CA10: variants seen among roughly 807,000 people sequenced by gnomAD.
CA10 encodes the protein carbonic anhydrase-related protein 10.
CA10 carries 14 observed loss-of-function variants against 44.2 expected under a neutral mutation model. The ratio of observed to expected loss-of-function variants is 0.32; its 90% CI spans 0.21 to 0.50. CA10 has a LOEUF of 0.50. Ranked by LOEUF, CA10 falls within the 20% of genes least tolerant of loss-of-function variation. The pLI, the probability that CA10 is intolerant of heterozygous loss-of-function variation, is 0.99. For missense variants in CA10, 350 were observed against 409.7 expected, an observed-to-expected ratio of 0.85 and a Z score of 1.26; for synonymous variants, 159 against 141.6, an observed-to-expected ratio of 1.12 and a Z score of -0.87.
At chr17:51,861,544 T>G (rs535676752) in intron 3 of CA10, among the ~76,000 whole-genome samples, 152 of 92,800 alleles carry the variant, frequency 1.6e-3, no homozygotes, top group African/African-American at 0.011. Flanking sequence ...CAGATGTGTG[T>G]TTTTTTTTTT....
Position 51,718,187 on chromosome 17 carries a change from A to G in CA10, c.465+29446T>C, listed in dbSNP as rs58760081. On this transcript the variant is annotated intron_variant, in intron 4 of 8. Coordinates refer to ENST00000451037, the MANE Select transcript of CA10 (RefSeq NM_020178.5). ...ACTAAGGAACTTAGTCATGTAACCA[A>G]ATACCACCTGTACCCCAATAATTTA... 6.0e-3 allele frequency among the ~76,000 whole-genome samples: 906 copies of G among 151,884 alleles called. 10 individuals carry two copies. The highest frequency in any genetic ancestry group is 0.021 in the African/African-American group (852 of 41,394).
intron 2 of CA10, among the ~76,000 whole-genome samples, chr17:52,064,164 G>A (rs908193555): frequency 2.6e-5 from 4 of 152,294 alleles, no homozygotes; most frequent in African/African-American, 7.2e-5. Flanking sequence ...CAGGCCATAG[G>A]AGACAAGGGT....
chr17:51,823,861 G>A (rs1907911384), intron 3 of CA10, among the ~76,000 whole-genome samples: 1 of 152,176 alleles, frequency 6.6e-6, no homozygotes, highest in South Asian at 2.1e-4. Flanking sequence ...GTTAGGCATT[G>A]TGACACATTA....
chr17:51,897,185 G>T (rs542527024), intron 3 of CA10, among the ~76,000 whole-genome samples: 1 of 152,180 alleles, frequency 6.6e-6, no homozygotes, highest in East Asian at 1.9e-4. Flanking sequence ...TTATCTTCTA[G>T]GGTTTTTGTG....
intron 4 of CA10, among the ~76,000 whole-genome samples, chr17:51,734,044 G>A (rs62061777): frequency 0.65 from 98,385 of 151,196 alleles, 32,207 homozygotes; most frequent in East Asian, 0.73. Context: ...TCAATATTGC[G>A]ACAAGAAAAG....
intron 4 of CA10, among the ~76,000 whole-genome samples, chr17:51,682,958 TA>T (rs1195413381): frequency 1.3e-5 from 2 of 152,236 alleles, no homozygotes; most frequent in African/African-American, 2.4e-5. Flanking sequence ...ATGCTTATTA[TA>T]AATCCAGAGG....
Position 51,747,717 on chromosome 17 carries a change from C to G in CA10, c.381G>C (p.Arg127=). 2 of 1,614,178 alleles carry G rather than the reference C, an allele frequency of 1.2e-6. No homozygotes were observed. The highest frequency in any genetic ancestry group is 1.7e-6 in the Non-Finnish European group (2 of 1,180,006). The change falls in exon 4 of 9, where the codon CGG becomes CGC. Residue 127 remains arginine (R), a synonymous_variant. Transcript: ENST00000451037. ...CAAAGTGTAGTCGGATCTCCTCCAG[C>G]CGGTGGCTGTATGTCATGGGCCCTC... is the stretch of plus-strand genomic sequence containing the variant. The part of the protein sequence containing the change: ...ISGGPMTYSH[R]LEEIRLHFGS...
At chr17:52,031,978 A>G (rs934182734) in intron 2 of CA10, among the ~76,000 whole-genome samples, 4 of 152,210 alleles carry the variant, frequency 2.6e-5, no homozygotes, top group Admixed American at 2.0e-4. Flanking sequence ...AAAAAATACA[A>G]GAGCTGCCAT....
Position 52,065,803 on chromosome 17 carries a change from T to C in CA10, c.136+6516A>G, listed in dbSNP as rs575041516. Among the ~76,000 whole-genome samples, 8 of 152,324 alleles carry C rather than the reference T, an allele frequency of 5.3e-5. No homozygotes were observed. The East Asian group carries it at 1.5e-3, about 29-fold the overall frequency. On this transcript the variant is annotated intron_variant, in intron 2 of 8. Transcript: ENST00000451037. ...GCTTCCAGGCTTTTGCCCATTGATA[T>C]GGTTTGGCTGTGCCCCCAGCCAAAT... is the stretch of plus-strand genomic sequence containing the variant.
chr17:51,654,805 C>A (rs112622295), intron 4 of CA10, among the ~76,000 whole-genome samples: 1 of 152,264 alleles, frequency 6.6e-6, no homozygotes, highest in Non-Finnish European at 1.5e-5. Flanking sequence ...ATCCACCCGC[C>A]TTGGCCTCCC....
intron 2 of CA10, among the ~76,000 whole-genome samples, chr17:51,931,746 T>C (rs1245196206): frequency 6.6e-6 from 1 of 152,136 alleles, no homozygotes; most frequent in Non-Finnish European, 1.5e-5. Flanking sequence ...TGGTGTTCAT[T>C]TGATAGGCAG....
At chr17:52,036,522 T>C (rs1408013995) in intron 2 of CA10, among the ~76,000 whole-genome samples, 3 of 151,976 alleles carry the variant, frequency 2.0e-5, no homozygotes, top group African/African-American at 4.8e-5. Context: ...TCTTGAAGAA[T>C]AAATAGTCAT....
intron 3 of CA10, among the ~76,000 whole-genome samples, chr17:51,891,590 C>T (rs138793719): frequency 1.6e-4 from 24 of 152,314 alleles, no homozygotes; most frequent in African/African-American, 5.1e-4. Context: ...AGTGTTATCA[C>T]GTAAGAATGC....
At chr17:51,687,825 T>A (rs1439710971) in intron 4 of CA10, among the ~76,000 whole-genome samples, 1 of 152,192 alleles carries the variant, frequency 6.6e-6, no homozygotes, top group Non-Finnish European at 1.5e-5. Context: ...GATAACCCAA[T>A]AAAGTTTCTA....
At chr17:51,861,150 T>C (rs1245631939) in intron 3 of CA10, among the ~76,000 whole-genome samples, 1 of 152,104 alleles carries the variant, frequency 6.6e-6, no homozygotes, top group Non-Finnish European at 1.5e-5. Flanking sequence ...TAGGGGGTGC[T>C]AAAGGAGACT....
At chr17:52,005,994 T>C (rs1985584390) in intron 2 of CA10, among the ~76,000 whole-genome samples, 2 of 151,808 alleles carry the variant, frequency 1.3e-5, no homozygotes, top group South Asian at 2.1e-4. Context: ...ACAGAGAGCG[T>C]CCTTTGTTCT....
intron 4 of CA10, among the ~76,000 whole-genome samples, chr17:51,722,052 G>A (rs911572449): frequency 6.6e-6 from 1 of 152,136 alleles, no homozygotes; most frequent in Non-Finnish European, 1.5e-5. Context: ...GGAGTCTGAT[G>A]TAACTAAACA....
intron 2 of CA10, among the ~76,000 whole-genome samples, chr17:51,992,083 G>C (rs543931621): frequency 6.6e-6 from 1 of 151,674 alleles, no homozygotes; most frequent in East Asian, 1.9e-4. Context: ...TATTATTTTG[G>C]TTCTGGTTTT....
intron 2 of CA10, among the ~76,000 whole-genome samples, chr17:51,975,400 T>C (rs1385258437): frequency 6.6e-6 from 1 of 152,160 alleles, no homozygotes; most frequent in Non-Finnish European, 1.5e-5. Context: ...AGAGTCTGGC[T>C]GGGCGAAGTG....
Sources: gnomAD v4.1 joint callset for allele counts (sites outside exome capture counted in the v4.1 genomes callset) on GRCh38, gnomAD v4.1.1 for gene constraint, MANE v1.5 for transcripts, NCBI Gene and HGNC (gene_info 2026-07-23, HGNC 2026-07-21) for gene names.